Variants in TMEM91 observed in about 807,000 individuals in gnomAD.
TMEM91 encodes dispanin subfamily C member 3.
A neutral mutation model predicts 13.3 loss-of-function variants in TMEM91; 6 were observed. That is an observed-to-expected ratio of 0.45 (90% CI 0.25 to 0.89). TMEM91 has a LOEUF of 0.89. Among genes scored for constraint, TMEM91 ranks in the 40% least tolerant of loss-of-function variants. The pLI, the probability that TMEM91 is intolerant of heterozygous loss-of-function variation, is 0.19. For missense variants in TMEM91, 193 were observed against 228.7 expected (o/e 0.84, Z 1.01); for synonymous variants, 87 against 101.7 (o/e 0.86, Z 0.87).
intron 1 of TMEM91, 46 bp from the exon 2 acceptor site, chr19:41,378,235 G>A (rs577154056): frequency 7.5e-6 from 11 of 1,460,170 alleles, no homozygotes; most frequent in Non-Finnish European, 9.4e-6. Context: ...GAGGTTGAGT[G>A]AAGTGAGACT....
At chr19:41,371,368 T>C (rs1257646149) in intron 1 of TMEM91, among the ~76,000 whole-genome samples, 1 of 132,568 alleles carries the variant, frequency 7.5e-6, no homozygotes, top group African/African-American at 3.1e-5. Context: ...CTTCCTTCCT[T>C]CTTTCCTTCC....
Position 41,378,371 on chromosome 19 carries a change from C to A in TMEM91, c.62C>A (p.Thr21Asn), listed in dbSNP as rs766698886. ...QPLLEGTECE[T>N]PAQKPGRHEL... The stretch of plus-strand genomic sequence containing the variant: ...CTGCTGGAGGGCACAGAATGTGAGA[C>A]CCCTGCCCAGAAGCCTGGCAGGCAT... Residue 21 changes from threonine (T) to asparagine (N), a missense_variant, in exon 2 of 4, where the codon ACC (threonine) becomes AAC (asparagine). Coordinates refer to ENST00000392002, the MANE Select transcript of TMEM91 (RefSeq NM_001098821.2). The A allele has an allele frequency of 5.6e-6, 9 of 1,614,206 alleles. No individual in the cohort carries two copies. The highest frequency in any genetic ancestry group is 3.4e-6 in the Non-Finnish European group (4 of 1,180,038).
At chr19:41,378,599 A>G in intron 2 of TMEM91, 80 bp downstream of exon 2, 3 of 1,469,756 alleles carry the variant, frequency 2.0e-6, no homozygotes, top group Non-Finnish European at 2.8e-6. Context: ...TGGCAGGTTG[A>G]CAGCTGTGCC....
chr19:41,381,361 T>C (rs2038882385), intron 2 of TMEM91, among the ~76,000 whole-genome samples: 1 of 132,846 alleles, frequency 7.5e-6, no homozygotes, highest in South Asian at 2.2e-4. Flanking sequence ...CTAGCTAATT[T>C]TTTTTTTTTT....
chr19:41,383,974 G>A lies in TMEM91; in HGVS notation c.*101G>A. 1.3e-6 allele frequency: 2 copies of A among 1,510,174 alleles called. No individual in the cohort carries two copies. The highest frequency in any genetic ancestry group is 1.8e-6 in the Non-Finnish European group (2 of 1,135,226). 93.5% of individuals were successfully genotyped at this position (1,510,174 alleles called of 1,614,324 possible). The stretch of plus-strand genomic sequence containing the variant: ...GGTGGATGAGGCTGCGGCGGCGGCA[G>A]GAGCATCTAGAAACGGGAGCGAGCT... On this transcript the variant is annotated 3_prime_UTR_variant, in exon 4 of 4. Transcript: ENST00000392002.
intron 2 of TMEM91, among the ~76,000 whole-genome samples, chr19:41,382,322 A>C (rs2038906486): frequency 6.6e-6 from 1 of 152,092 alleles, no homozygotes; most frequent in Non-Finnish European, 1.5e-5. Context: ...CCAGGATACA[A>C]ATGTCAAAAG....
chr19:41,381,610 TG>T (rs1338917665), intron 2 of TMEM91, among the ~76,000 whole-genome samples: 1 of 152,208 alleles, frequency 6.6e-6, no homozygotes, highest in Non-Finnish European at 1.5e-5. Flanking sequence ...ATGATCCGCC[TG>T]CCTTGGCCTC....
chr19:41,379,961 C>T (rs1335768723), intron 2 of TMEM91, among the ~76,000 whole-genome samples: 4 of 135,188 alleles, frequency 3.0e-5, no homozygotes, highest in Non-Finnish European at 4.6e-5. Flanking sequence ...ATGGTGCAAT[C>T]TCAGCTCACT....
upstream of TMEM91, chr19:41,373,957 C>G (rs1367701517): frequency 6.6e-6 from 1 of 152,170 alleles, no homozygotes; most frequent in Non-Finnish European, 1.5e-5. Flanking sequence ...GGATTACAGG[C>G]GTGGGCCACC....
At chr19:41,368,465 G>C (rs146090851) in intron 1 of TMEM91, among the ~76,000 whole-genome samples, 87 of 150,682 alleles carry the variant, frequency 5.8e-4, no homozygotes, top group African/African-American at 1.5e-3. Flanking sequence ...ACAGAGTCTC[G>C]TTCTGTGGGC....
In TMEM91 at chr19:41,382,916, C is replaced by G; in HGVS notation, c.355C>G (p.Gln119Glu). 6.2e-7 allele frequency: 1 copy of G among 1,614,044 alleles called. No individual in the cohort carries two copies. The highest frequency in any genetic ancestry group is 1.1e-5 in the South Asian group (1 of 91,076). The change falls in exon 3 of 4, where the codon CAG becomes GAG. Residue 119 changes from glutamine (Q) to glutamate (E), a missense_variant. Coordinates refer to ENST00000392002, the MANE Select transcript of TMEM91 (RefSeq NM_001098821.2). ...TGGCATCGCTGCCTTCTGTCTAGCC[C>G]AGAAGGTCAGTCTGTGTGTGGGACT... ...PVGIAAFCLA[Q>E]KTNKAWAKGD...
rs76005632 is a variant in TMEM91, at chr19:41,367,275, A to C, written c.-30+3180A>C. On this transcript the variant is annotated intron_variant, in intron 1 of 3. Transcript: ENST00000413014. The stretch of plus-strand genomic sequence containing the variant: ...ATGCTGCAGGGAAGATTGCGTTAAC[A>C]TTCTGATAGGAGGAGGAGTACTCTT... Among the ~76,000 whole-genome samples the C allele has an allele frequency of 8.5e-3, 1,298 of 152,336 alleles. 16 individuals are homozygous for C. Among genetic ancestry groups the C allele is most frequent in the African/African-American group, 0.03 (1,235 of 41,572 alleles).
intron 1 of TMEM91, among the ~76,000 whole-genome samples, chr19:41,371,394 C>T (rs2038619531): frequency 2.2e-5 from 3 of 138,576 alleles, no homozygotes; most frequent in East Asian, 2.1e-4. Flanking sequence ...TCTTTCCTTC[C>T]TCCCTCCCTC....
chr19:41,371,863 A>G (rs1359764213), upstream of TMEM91, among the ~76,000 whole-genome samples: 1 of 151,582 alleles, frequency 6.6e-6, no homozygotes, highest in East Asian at 1.9e-4. Flanking sequence ...ATGCAACAGG[A>G]TTTTTTTCCT....
upstream of TMEM91, among the ~76,000 whole-genome samples, chr19:41,373,219 C>A (rs375993275): frequency 8.5e-4 from 129 of 152,222 alleles, 2 homozygotes; most frequent in South Asian, 0.025. Context: ...GGATTACAGG[C>A]TTGAGCCACC....
chr19:41,384,008 A>C lies in TMEM91; in HGVS notation c.*135A>C. 2 of 1,417,614 alleles carry C rather than the reference A, an allele frequency of 1.4e-6. No homozygotes were observed. Among genetic ancestry groups the C allele is most frequent in the African/African-American group, 1.5e-5 (1 of 66,860 alleles). 87.8% of individuals were successfully genotyped at this position (1,417,614 alleles called of 1,614,324 possible). On this transcript the variant is annotated 3_prime_UTR_variant, in exon 4 of 4. Transcript: ENST00000392002. ...AGAAACGGGAGCGAGCTGGACTGGAACCCTTCCCCTTCCTGGCCACCGCTC... is the reference window on the plus strand; with the variant it reads ...AGAAACGGGAGCGAGCTGGACTGGACCCCTTCCCCTTCCTGGCCACCGCTC...
chr19:41,371,118 C>T (rs2038609320), intron 1 of TMEM91, among the ~76,000 whole-genome samples: 1 of 152,110 alleles, frequency 6.6e-6, no homozygotes, highest in Non-Finnish European at 1.5e-5. Context: ...TATTGTGCCT[C>T]AGCCTCCCGA....
At chr19:41,372,800 A>G (rs2038645112), upstream of TMEM91, among the ~76,000 whole-genome samples, 1 of 152,008 alleles carries the variant, frequency 6.6e-6, no homozygotes, top group Admixed American at 6.6e-5. Context: ...TTTTTTTGTT[A>G]TAATAAGTAA....
chr19:41,377,589 C>T (rs1017914750), intron 1 of TMEM91, among the ~76,000 whole-genome samples: 3 of 151,506 alleles, frequency 2.0e-5, no homozygotes, highest in Non-Finnish European at 4.4e-5. Context: ...TAGGTGGTCA[C>T]GCGGTATGAA....
Sources: gnomAD v4.1 joint callset for allele counts (sites outside exome capture counted in the v4.1 genomes callset) on GRCh38, gnomAD v4.1.1 for gene constraint, MANE v1.5 for transcripts, NCBI Gene and HGNC (gene_info 2026-07-23, HGNC 2026-07-21) for gene names.